PID1: variants seen among roughly 807,000 people sequenced by gnomAD.
PID1 encodes the protein PTB-containing, cubilin and LRP1-interacting protein.
PID1 carries 10 observed loss-of-function variants against 19.1 expected under a neutral mutation model. The ratio of observed to expected loss-of-function variants is 0.52; its 90% CI spans 0.32 to 0.89. PID1 has a LOEUF of 0.89. PID1 is among the 40% of genes least tolerant of loss of function. The pLI is 0.03. For synonymous variants in PID1, 130 were observed against 116.0 expected, an observed-to-expected ratio of 1.12 and a Z score of -0.78; for missense variants, 248 against 285.3, an observed-to-expected ratio of 0.87 and a Z score of 0.94.
intron 2 of PID1, among the ~76,000 whole-genome samples, chr2:229,044,599 G>GT (rs564850644): frequency 1.8e-4 from 28 of 152,246 alleles, no homozygotes; most frequent in African/African-American, 6.3e-4. Context: ...TGATTTCCCT[G>GT]TAACACCAAG....
Position 229,134,231 on chromosome 2 carries a change from G to GTTTTTTTTTTTTTT in PID1, c.177+21573_177+21586dup, listed in dbSNP as rs60513006. ...TTCAATAACAATGTTTACTACCTGT[G>GTTTTTTTTTTTTTT]TTTTTTTTTTTTTTTTTTTTTGAGA... On this transcript the variant is annotated intron_variant, in intron 2 of 2. Transcript: ENST00000392055. 4.8e-4 allele frequency among the ~76,000 whole-genome samples: 52 copies of GTTTTTTTTTTTTTT among 109,192 alleles called. 2 individuals carry two copies. Among genetic ancestry groups the GTTTTTTTTTTTTTT allele is most frequent in the Non-Finnish European group, 4.8e-4 (26 of 54,610 alleles). The allele number at this position is 109,192 out of a possible 152,430, so 71.6% of individuals were successfully genotyped here. A position where few individuals can be genotyped will look rare whatever the true frequency, so the allele number is the denominator to read the frequency against.
At chr2:229,072,450 T>C (rs1188799564) in intron 2 of PID1, among the ~76,000 whole-genome samples, 1 of 152,142 alleles carries the variant, frequency 6.6e-6, no homozygotes, top group Non-Finnish European at 1.5e-5. Context: ...TAGCTGGGCA[T>C]AGTGGCACAT....
At chr2:229,212,885 C>T (rs907020569) in intron 1 of PID1, among the ~76,000 whole-genome samples, 3 of 152,130 alleles carry the variant, frequency 2.0e-5, no homozygotes, top group African/African-American at 7.2e-5. Context: ...CACGTCCCGG[C>T]TGACCCACCT....
At chr2:229,189,570 G>A (rs185202344) in intron 1 of PID1, among the ~76,000 whole-genome samples, 9 of 152,292 alleles carry the variant, frequency 5.9e-5, no homozygotes, top group African/African-American at 1.2e-4. Context: ...AGTAGCAGAC[G>A]CCTGTAATCC....
chr2:229,079,515 T>A (rs1262565164), intron 2 of PID1, among the ~76,000 whole-genome samples: 1 of 152,226 alleles, frequency 6.6e-6, no homozygotes, highest in African/African-American at 2.4e-5. Flanking sequence ...TCCTCTCTAG[T>A]TCCATTTTGG....
chr2:229,087,768 AG>A (rs1694797928), intron 2 of PID1, among the ~76,000 whole-genome samples: 1 of 152,216 alleles, frequency 6.6e-6, no homozygotes, highest in Admixed American at 6.5e-5. Context: ...CCCATGAAGT[AG>A]CATTGCTTAA....
At chr2:229,167,916 AAAT>A (rs1690633725) in intron 1 of PID1, among the ~76,000 whole-genome samples, 1 of 152,124 alleles carries the variant, frequency 6.6e-6, no homozygotes, top group African/African-American at 2.4e-5. Flanking sequence ...GTACATTTTC[AAAT>A]AATACTTTTT....
intron 2 of PID1, among the ~76,000 whole-genome samples, chr2:229,034,937 A>T (rs2106168618): frequency 6.6e-6 from 1 of 152,284 alleles, no homozygotes; most frequent in East Asian, 1.9e-4. Flanking sequence ...AGTCAGTGGC[A>T]GTCCCAGAGC....
At chr2:229,243,067 T>A (rs982386854) in intron 1 of PID1, among the ~76,000 whole-genome samples, 1 of 152,138 alleles carries the variant, frequency 6.6e-6, no homozygotes, top group East Asian at 1.9e-4. Flanking sequence ...AGAGGTTTAA[T>A]GGACTAACAG....
At chr2:229,227,929 T>G in intron 1 of PID1, 1 of 455,644 alleles carries the variant, frequency 2.2e-6, no homozygotes, top group South Asian at 1.6e-5. Flanking sequence ...GTGCATCAGT[T>G]GTATGCAAAT....
At chr2:229,030,279 TG>T (rs1426099945) in intron 2 of PID1, among the ~76,000 whole-genome samples, 1 of 152,208 alleles carries the variant, frequency 6.6e-6, no homozygotes, top group African/African-American at 2.4e-5. Flanking sequence ...GAGGAGTTAC[TG>T]TTCAATGGGT....
chr2:229,246,209 G>A (rs1689997905), intron 1 of PID1, among the ~76,000 whole-genome samples: 1 of 152,054 alleles, frequency 6.6e-6, no homozygotes, highest in Non-Finnish European at 1.5e-5. Flanking sequence ...ATTCATATTA[G>A]CCAGGGAGCC....
chr2:229,041,126 G>GT (rs1693762770), intron 2 of PID1, among the ~76,000 whole-genome samples: 1 of 152,254 alleles, frequency 6.6e-6, no homozygotes, highest in East Asian at 1.9e-4. Flanking sequence ...CACTGTGAGC[G>GT]TAACTAAAGC....
chr2:229,106,837 A>G (rs1695187638), intron 2 of PID1, among the ~76,000 whole-genome samples: 1 of 152,220 alleles, frequency 6.6e-6, no homozygotes, highest in South Asian at 2.1e-4. Flanking sequence ...TCAAGGAACT[A>G]GGATGCAGTG....
chr2:229,252,160 G>C (rs959464480), intron 1 of PID1, among the ~76,000 whole-genome samples: 1 of 152,086 alleles, frequency 6.6e-6, no homozygotes, highest in Non-Finnish European at 1.5e-5. Flanking sequence ...TGTCTAAAAG[G>C]CTCAGCAGTT....
At chr2:229,055,210 G>A (rs1559212577) in intron 2 of PID1, among the ~76,000 whole-genome samples, 1 of 152,184 alleles carries the variant, frequency 6.6e-6, no homozygotes, top group Non-Finnish European at 1.5e-5. Context: ...GAAGAGATGT[G>A]AAGCAACTCA....
chr2:229,267,878 G>C (rs1388329660), intron 1 of PID1, among the ~76,000 whole-genome samples: 1 of 151,628 alleles, frequency 6.6e-6, no homozygotes, highest in Non-Finnish European at 1.5e-5. Flanking sequence ...AAAGGAGTCT[G>C]TTTCAAATCT....
Position 229,189,837 on chromosome 2 carries a change from T to C in PID1, c.31-33873A>G, listed in dbSNP as rs116642882. On this transcript the variant is annotated intron_variant, in intron 1 of 2. Coordinates refer to ENST00000392055, the MANE Select transcript of PID1 (RefSeq NM_001100818.2). Reference sequence around the variant, plus strand: ...ACCAGTGTTTCCCAAAATGTGGGAGTGCCTCATGGGGTGCATGAGATGATT... The same window carrying C: ...ACCAGTGTTTCCCAAAATGTGGGAGCGCCTCATGGGGTGCATGAGATGATT... 6.7e-3 allele frequency among the ~76,000 whole-genome samples: 1,013 copies of C among 152,148 alleles called. 13 individuals are homozygous for C. Among genetic ancestry groups the C allele is most frequent in the African/African-American group, 0.024 (987 of 41,494 alleles).
In PID1 at chr2:229,145,140, T is replaced by C. The variant is rs188146037; in HGVS notation, c.177+10678A>G. On this transcript the variant is annotated intron_variant, in intron 2 of 2. Coordinates refer to ENST00000392055, the MANE Select transcript of PID1 (RefSeq NM_001100818.2). ...AGAATGACATAACGAATGCTGAGTT[T>C]AAATATATGTATGTGTATATATATA... is the stretch of plus-strand genomic sequence containing the variant. 4.9e-4 allele frequency among the ~76,000 whole-genome samples: 62 copies of C among 125,376 alleles called. 1 individual carries two copies. In the East Asian group the frequency reaches 0.014, roughly 29 times the overall value. 82.3% of individuals were successfully genotyped at this position (125,376 alleles called of 152,430 possible).
Sources: gnomAD v4.1 joint callset for allele counts (sites outside exome capture counted in the v4.1 genomes callset) on GRCh38, gnomAD v4.1.1 for gene constraint, MANE v1.5 for transcripts, NCBI Gene and HGNC (gene_info 2026-07-23, HGNC 2026-07-21) for gene names.